Variants in MCC observed in about 807,000 individuals in gnomAD.
MCC encodes the protein MCC regulator of Wnt signaling pathway.
MCC carries 90 observed loss-of-function variants against 116.2 expected under a neutral mutation model. The observed-to-expected ratio is 0.77, with a 90% CI of 0.65 to 0.92. The LOEUF (loss-of-function observed/expected upper bound fraction) is 0.92. MCC is among the 40% of genes least tolerant of loss of function. The pLI, the probability that MCC is intolerant of heterozygous loss-of-function variation, is 0.00. For missense variants in MCC, 1,516 were observed against 1,312.2 expected, an observed-to-expected ratio of 1.16 and a Z score of -2.40; for synonymous variants, 578 against 510.5, an observed-to-expected ratio of 1.13 and a Z score of -1.78.
intron 3 of MCC, among the ~76,000 whole-genome samples, chr5:113,224,636 G>C (rs1274204480): frequency 6.6e-6 from 1 of 152,058 alleles, no homozygotes; most frequent in Middle Eastern, 3.2e-3. Context: ...AATTCCAAAA[G>C]TATCACCACT....
chr5:113,093,686 G>A (rs770276391), intron 8 of MCC, among the ~76,000 whole-genome samples: 9 of 152,112 alleles, frequency 5.9e-5, no homozygotes, highest in East Asian at 3.9e-4. Flanking sequence ...TCAGCTATGC[G>A]GATGCTTCAA....
At chr5:113,066,959 G>A (rs1457392652) in intron 13 of MCC, among the ~76,000 whole-genome samples, 2 of 152,206 alleles carry the variant, frequency 1.3e-5, no homozygotes, top group East Asian at 3.9e-4. Context: ...CCGGGGCTTA[G>A]TTCTGCATGG....
At chr5:113,254,215 C>G (rs1286783035) in intron 3 of MCC, among the ~76,000 whole-genome samples, 1 of 152,100 alleles carries the variant, frequency 6.6e-6, no homozygotes, top group Non-Finnish European at 1.5e-5. Flanking sequence ...TCATATCCAG[C>G]CAAATTACCA....
chr5:113,031,643 A>G (rs1463476137), intron 17 of MCC, among the ~76,000 whole-genome samples: 4 of 152,188 alleles, frequency 2.6e-5, no homozygotes, highest in Non-Finnish European at 5.9e-5. Context: ...ATTCACAACA[A>G]AAAACTCTGG....
intron 3 of MCC, 139 bp downstream of exon 3, chr5:113,340,380 G>T: frequency 1.3e-6 from 1 of 754,958 alleles, no homozygotes; most frequent in Non-Finnish European, 2.1e-6. Flanking sequence ...AACATTACTG[G>T]CAATGCTGGA....
At chr5:113,154,354 G>A (rs896089608) in intron 3 of MCC, among the ~76,000 whole-genome samples, 3 of 152,226 alleles carry the variant, frequency 2.0e-5, no homozygotes, top group Non-Finnish European at 2.9e-5. Context: ...ACTCCGCAGA[G>A]GCTACAACTA....
chr5:113,381,511 G>A (rs909465410), intron 2 of MCC, among the ~76,000 whole-genome samples: 2 of 152,136 alleles, frequency 1.3e-5, no homozygotes, highest in Admixed American at 6.6e-5. Context: ...GACCAAGCTC[G>A]GCATGGTGGT....
At chr5:113,127,344 T>C (rs1387131987) in intron 5 of MCC, among the ~76,000 whole-genome samples, 1 of 152,252 alleles carries the variant, frequency 6.6e-6, no homozygotes, top group Admixed American at 6.5e-5. Flanking sequence ...TAGAATGCTT[T>C]ATGTTCCTCT....
chr5:113,483,152 A>T (rs904831100), intron 1 of MCC, among the ~76,000 whole-genome samples: 3 of 152,172 alleles, frequency 2.0e-5, no homozygotes, highest in Admixed American at 2.0e-4. Flanking sequence ...TGCTAGTACC[A>T]TAGTGTCTTA....
intron 8 of MCC, among the ~76,000 whole-genome samples, chr5:113,091,576 C>T (rs1417425982): frequency 1.3e-5 from 2 of 152,120 alleles, no homozygotes; most frequent in Non-Finnish European, 2.9e-5. Context: ...AAAATAGACA[C>T]CAAATCTTAA....
intron 3 of MCC, among the ~76,000 whole-genome samples, chr5:113,328,974 T>C (rs1767631372): frequency 6.6e-6 from 1 of 152,100 alleles, no homozygotes; most frequent in Admixed American, 6.6e-5. Context: ...TGGGGGCACA[T>C]AAATGAGTAG....
chr5:113,478,394 A>G (rs1772288187), intron 1 of MCC, among the ~76,000 whole-genome samples: 1 of 152,230 alleles, frequency 6.6e-6, no homozygotes. Flanking sequence ...GTTGGATATT[A>G]GGTATATTTT....
chr5:113,327,282 C>G (rs1353231925), intron 3 of MCC, among the ~76,000 whole-genome samples: 1 of 151,926 alleles, frequency 6.6e-6, no homozygotes, highest in African/African-American at 2.4e-5. Flanking sequence ...CGCAGTGGCT[C>G]ACGTCTGTAA....
chr5:113,075,626 T>A (rs984714138), intron 11 of MCC, among the ~76,000 whole-genome samples: 1 of 152,222 alleles, frequency 6.6e-6, no homozygotes, highest in East Asian at 1.9e-4. Context: ...AACAGACCAA[T>A]CACCTCTCTG....
chr5:113,282,103 C>T (rs934155098), intron 3 of MCC, among the ~76,000 whole-genome samples: 5 of 152,078 alleles, frequency 3.3e-5, no homozygotes, highest in Admixed American at 2.0e-4. Flanking sequence ...CATCACCTAG[C>T]TAGGAAGTGG....
chr5:113,022,457 A>G lies in MCC; in HGVS notation c.*4845T>C, dbSNP rs1750208702. The stretch of plus-strand genomic sequence containing the variant: ...AGTGTATAGCACATATTCAAATAAT[A>G]GGAAACAAATCTCATGCAAAGTAAA... On this transcript the variant is annotated 3_prime_UTR_variant, in exon 19 of 19. Coordinates refer to ENST00000408903, the MANE Select transcript of MCC (RefSeq NM_001085377.2). 1 of 152,676 alleles carries G rather than the reference A, an allele frequency of 6.5e-6. No individual in the cohort carries two copies. The highest frequency in any genetic ancestry group is 2.4e-5 in the African/African-American group (1 of 41,458). 9.5% of individuals were successfully genotyped at this position (152,676 alleles called of 1,614,324 possible). A position where few individuals can be genotyped will look rare whatever the true frequency, so the allele number is the denominator to read the frequency against.
rs1021062936 is a variant in MCC at position 113,023,279 on chromosome 5, G to C, written c.*4023C>G. 6.6e-6 allele frequency: 1 copy of C among 152,200 alleles called. No individual in the cohort carries two copies. Among genetic ancestry groups the C allele is most frequent in the African/African-American group, 2.4e-5 (1 of 41,454 alleles). The allele number at this position is 152,200 out of a possible 1,614,324, so 9.4% of individuals were successfully genotyped here. Reference sequence around the variant, plus strand: ...ACTTTAAGAACTGGATAGTGAAGGCGTAACTTTTGTTTTGTAACCAGTTAC... The same window carrying C: ...ACTTTAAGAACTGGATAGTGAAGGCCTAACTTTTGTTTTGTAACCAGTTAC... On this transcript the variant is annotated 3_prime_UTR_variant, in exon 19 of 19. Transcript: ENST00000408903.
chr5:113,440,686 AAG>A (rs1771011188), intron 1 of MCC, among the ~76,000 whole-genome samples: 1 of 152,164 alleles, frequency 6.6e-6, no homozygotes, highest in South Asian at 2.1e-4. Context: ...CAAAGCTAGA[AAG>A]AGTGATGTCT....
intron 3 of MCC, among the ~76,000 whole-genome samples, chr5:113,178,252 G>C (rs1436657137): frequency 1.3e-5 from 2 of 152,214 alleles, no homozygotes; most frequent in African/African-American, 4.8e-5. Context: ...CCCTGTTATG[G>C]AACCAGATAA....
Sources: gnomAD v4.1 joint callset for allele counts (sites outside exome capture counted in the v4.1 genomes callset) on GRCh38, gnomAD v4.1.1 for gene constraint, MANE v1.5 for transcripts, NCBI Gene and HGNC (gene_info 2026-07-23, HGNC 2026-07-21) for gene names.